Variants in TAFA5 observed in about 807,000 individuals in gnomAD.
TAFA5 encodes TAFA chemokine like family member 5, also known as chemokine-like protein TAFA-5.
TAFA5 carries 6 observed loss-of-function variants against 15.3 expected under a neutral mutation model. The observed-to-expected ratio is 0.39, with a 90% CI of 0.21 to 0.77. The LOEUF (loss-of-function observed/expected upper bound fraction) is 0.77, where lower values mean the gene tolerates loss of function less well. TAFA5 is among the 30% of genes least tolerant of loss of function. The pLI, the probability that TAFA5 is intolerant of heterozygous loss-of-function variation, is 0.41. For synonymous variants in TAFA5, 103 were observed against 80.7 expected (o/e 1.28, Z -1.48); for missense variants, 161 against 193.1 (o/e 0.83, Z 0.98).
intron 3 of TAFA5, among the ~76,000 whole-genome samples, chr22:48,727,951 T>C (rs1338655418): frequency 2.0e-5 from 3 of 151,092 alleles, no homozygotes; most frequent in African/African-American, 5.0e-5. Flanking sequence ...TACAAATAAA[T>C]TATATGATCA....
intron 1 of TAFA5, among the ~76,000 whole-genome samples, chr22:48,529,290 G>A (rs371407515): frequency 5.1e-5 from 4 of 78,062 alleles, no homozygotes; most frequent in Non-Finnish European, 5.8e-5. Context: ...ACAGGAGATG[G>A]GGGTGTCCAG....
Position 48,718,350 on chromosome 22 carries a change from G to A in TAFA5, c.390+10506G>A, listed in dbSNP as rs144576825. On this transcript the variant is annotated intron_variant, in intron 3 of 3. Coordinates refer to ENST00000402357, the MANE Select transcript of TAFA5 (RefSeq NM_001082967.3). ...TAGCTGAACACTGAGCCTCTGTGGGGGCAGCGGGGAGGCCCCCAAGCAGGA... is the reference window on the plus strand; with the variant it reads ...TAGCTGAACACTGAGCCTCTGTGGGAGCAGCGGGGAGGCCCCCAAGCAGGA... Among the ~76,000 whole-genome samples the A allele has an allele frequency of 2.5e-3, 376 of 152,282 alleles. 2 individuals are homozygous for A. Among genetic ancestry groups the A allele is most frequent in the Middle Eastern group, 3.4e-3 (1 of 294 alleles).
chr22:48,580,438 G>A (rs574809820), intron 1 of TAFA5, among the ~76,000 whole-genome samples: 75 of 152,302 alleles, frequency 4.9e-4, no homozygotes, highest in African/African-American at 1.7e-3. Context: ...CACAGTTCCC[G>A]GCCCTAAGAC....
chr22:48,579,357 T>C (rs960142710), intron 1 of TAFA5, among the ~76,000 whole-genome samples: 1 of 152,332 alleles, frequency 6.6e-6, no homozygotes, highest in Middle Eastern at 3.4e-3. Flanking sequence ...TCTTCTTGCC[T>C]TGTCATCCTT....
In TAFA5 at chr22:48,646,734, G is replaced by T; in HGVS notation, c.250G>T (p.Ala84Ser). The change falls in exon 2 of 4, where the codon GCC becomes TCC. Residue 84 changes from alanine (A) to serine (S), a missense_variant. Physicochemically the swap from Ala to Ser is moderately conservative, Grantham distance 99. Transcript: ENST00000402357. ...CGCCGGCACCACGAGAGCCCGGCCC[G>T]CCTGTGTGGACGGTAAGCACCCGTG... Reference protein sequence around the residue: ...QIAGTTRARPACVDARIIKTK... With the variant: ...QIAGTTRARPSCVDARIIKTK... The T allele has an allele frequency of 6.3e-7, 1 of 1,582,176 alleles. No homozygotes were observed.
At chr22:48,701,494 G>T (rs1177757175) in intron 2 of TAFA5, among the ~76,000 whole-genome samples, 3 of 152,120 alleles carry the variant, frequency 2.0e-5, no homozygotes, top group Non-Finnish European at 4.4e-5. Flanking sequence ...GCCTTTCCTA[G>T]GGTAAACTTT....
intron 2 of TAFA5, among the ~76,000 whole-genome samples, chr22:48,688,251 T>C (rs1049560244): frequency 6.6e-6 from 1 of 152,138 alleles, no homozygotes; most frequent in Non-Finnish European, 1.5e-5. Context: ...CAGAGAGCCA[T>C]CTTGAAAATT....
At chr22:48,631,604 G>A (rs954682681) in intron 1 of TAFA5, among the ~76,000 whole-genome samples, 2 of 152,204 alleles carry the variant, frequency 1.3e-5, no homozygotes, top group African/African-American at 2.4e-5. Context: ...CAGCCCCGGC[G>A]TCACACCGGC....
chr22:48,632,773 G>C (rs748833889), intron 1 of TAFA5, among the ~76,000 whole-genome samples: 68 of 152,336 alleles, frequency 4.5e-4, no homozygotes, highest in Non-Finnish European at 8.4e-4. Context: ...GAGGCTGGAG[G>C]CCTCCTCGTC....
At chr22:48,568,637 T>C (rs1285503542) in intron 1 of TAFA5, among the ~76,000 whole-genome samples, 2 of 152,242 alleles carry the variant, frequency 1.3e-5, no homozygotes, top group Non-Finnish European at 2.9e-5. Context: ...CTGCATTTGC[T>C]GTAATCCTTG....
At chr22:48,549,445 A>T (rs1245570628) in intron 1 of TAFA5, among the ~76,000 whole-genome samples, 1 of 152,260 alleles carries the variant, frequency 6.6e-6, no homozygotes, top group African/African-American at 2.4e-5. Context: ...ACTTTGGTGC[A>T]GCAAATGATT....
At chr22:48,670,055 G>A (rs1024497247) in intron 2 of TAFA5, among the ~76,000 whole-genome samples, 5 of 152,282 alleles carry the variant, frequency 3.3e-5, no homozygotes, top group South Asian at 2.1e-4. Context: ...TCCCTCCTGC[G>A]GAAAGAGGAA....
intron 3 of TAFA5, among the ~76,000 whole-genome samples, chr22:48,720,842 G>A (rs918721243): frequency 6.6e-6 from 1 of 152,180 alleles, no homozygotes; most frequent in South Asian, 2.1e-4. Flanking sequence ...TGCTCACAGT[G>A]CAGACCACGG....
At chr22:48,688,138 C>T (rs969231421) in intron 2 of TAFA5, among the ~76,000 whole-genome samples, 8 of 151,602 alleles carry the variant, frequency 5.3e-5, no homozygotes, top group African/African-American at 1.2e-4. Flanking sequence ...ATTTGATGAC[C>T]CAGACTTGGA....
At chr22:48,696,539 C>T (rs1003752498) in intron 2 of TAFA5, among the ~76,000 whole-genome samples, 8 of 152,170 alleles carry the variant, frequency 5.3e-5, no homozygotes, top group Admixed American at 6.5e-5. Flanking sequence ...AGGGGGGTCC[C>T]GGAGTGAATG....
intron 1 of TAFA5, among the ~76,000 whole-genome samples, chr22:48,520,711 G>A (rs534027368): frequency 1.3e-3 from 202 of 152,248 alleles, no homozygotes; most frequent in Admixed American, 3.1e-3. Context: ...AGGAAGAGGG[G>A]GCATGGAGCT....
chr22:48,511,749 A>G (rs952364476), intron 1 of TAFA5, among the ~76,000 whole-genome samples: 17 of 152,216 alleles, frequency 1.1e-4, no homozygotes, highest in Admixed American at 9.2e-4. Context: ...TCGGAAATGA[A>G]GCATCACCTG....
At chr22:48,659,663 C>T (rs1927365328) in intron 2 of TAFA5, among the ~76,000 whole-genome samples, 1 of 152,200 alleles carries the variant, frequency 6.6e-6, no homozygotes, top group South Asian at 2.1e-4. Context: ...TGATGAGGGA[C>T]CCAGCTGCTG....
At chr22:48,492,148 C>G (rs1435396688) in intron 1 of TAFA5, among the ~76,000 whole-genome samples, 2 of 146,240 alleles carry the variant, frequency 1.4e-5, no homozygotes, top group Non-Finnish European at 3.0e-5. Context: ...TTTTTCAGAA[C>G]CGATAAAGCA....
Sources: allele counts gnomAD v4.1 joint callset (sites outside exome capture counted in the v4.1 genomes callset), GRCh38; gene constraint gnomAD v4.1.1; transcripts MANE v1.5; gene names NCBI Gene and HGNC (gene_info 2026-07-23, HGNC 2026-07-21).